Variants in ATP6V1C2 observed in about 807,000 individuals in gnomAD.
The protein encoded by ATP6V1C2 is V-type proton ATPase subunit C 2.
A neutral mutation model predicts 56.8 loss-of-function variants in ATP6V1C2; 45 were observed. The observed-to-expected ratio is 0.79, with a 90% CI of 0.62 to 1.02. ATP6V1C2 has a LOEUF of 1.02. Among genes scored for constraint, ATP6V1C2 ranks in the 50% least tolerant of loss-of-function variants. The pLI, the probability that ATP6V1C2 is intolerant of heterozygous loss-of-function variation, is 0.00. For synonymous variants in ATP6V1C2, 220 were observed against 201.3 expected (o/e 1.09, Z -0.79); for missense variants, 463 against 519.7 (o/e 0.89, Z 1.06).
At chr2:10,762,167 A>ATT (rs1663951491) in intron 4 of ATP6V1C2, among the ~76,000 whole-genome samples, 3 of 132,666 alleles carry the variant, frequency 2.3e-5, no homozygotes, top group African/African-American at 9.7e-5. Flanking sequence ...TTTTTTTGAG[A>ATT]TGGAGTCTCC....
chr2:10,739,386 G>A (rs10929695), intron 3 of ATP6V1C2, among the ~76,000 whole-genome samples: 151,810 of 152,274 alleles, frequency 1, 75,676 homozygotes, highest in Middle Eastern at 1. Context: ...TCTTACTTGC[G>A]ACCCTCACTT....
At chr2:10,755,071 G>A (rs867183931) in intron 4 of ATP6V1C2, among the ~76,000 whole-genome samples, 74 of 151,930 alleles carry the variant, frequency 4.9e-4, no homozygotes, top group African/African-American at 1.7e-3. Flanking sequence ...AGGCTGGAGT[G>A]CAATGGCACA....
chr2:10,731,224 C>A (rs1322230077), intron 3 of ATP6V1C2, among the ~76,000 whole-genome samples: 1 of 152,220 alleles, frequency 6.6e-6, no homozygotes, highest in Non-Finnish European at 1.5e-5. Context: ...GCTGGAATTA[C>A]AAGCATGAGT....
At chr2:10,754,992 C>T (rs1663460043) in intron 4 of ATP6V1C2, among the ~76,000 whole-genome samples, 1 of 152,064 alleles carries the variant, frequency 6.6e-6, no homozygotes, top group African/African-American at 2.4e-5. Flanking sequence ...CTCAGCCTCT[C>T]GCTCACCAAC....
At position 10,777,742 on chromosome 2, in the gene ATP6V1C2, C is replaced by G. The variant is rs764965300; in HGVS notation, c.963+20C>G. The stretch of plus-strand genomic sequence containing the variant: ...GGTGAGGTAAGCAACGCCCCGGGAA[C>G]CCCGGGGTCCCTGGCTCACATCTCC... On this transcript the variant is annotated intron_variant, in intron 11 of 13. Coordinates refer to ENST00000272238, the MANE Select transcript of ATP6V1C2 (RefSeq NM_001039362.2). 2 of 1,592,604 alleles carry G rather than the reference C, an allele frequency of 1.3e-6. No individual in the cohort carries two copies. Among genetic ancestry groups the G allele is most frequent in the African/African-American group, 2.7e-5 (2 of 73,768 alleles).
In ATP6V1C2 at chr2:10,739,151, C is replaced by T. The variant is rs111399342; in HGVS notation, c.197+12582C>T. Among the ~76,000 whole-genome samples the T allele has an allele frequency of 4.1e-3, 629 of 152,170 alleles. 10 individuals are homozygous for T. Among genetic ancestry groups the T allele is most frequent in the African/African-American group, 0.014 (594 of 41,500 alleles). ...AGAAAAAATTAGCTGGGCATTGTGG[C>T]GCATGCCTGCAATCCCAGCTACTCG... On this transcript the variant is annotated intron_variant, in intron 3 of 13. Coordinates refer to ENST00000272238, the MANE Select transcript of ATP6V1C2 (RefSeq NM_001039362.2).
At chr2:10,751,189 G>A (rs1409138449) in intron 3 of ATP6V1C2, among the ~76,000 whole-genome samples, 1 of 152,086 alleles carries the variant, frequency 6.6e-6, no homozygotes, top group Non-Finnish European at 1.5e-5. Flanking sequence ...GGCTGGCAGG[G>A]ACAAGAGGAT....
intron 3 of ATP6V1C2, among the ~76,000 whole-genome samples, chr2:10,745,275 T>C (rs2148443617): frequency 6.6e-6 from 1 of 151,728 alleles, no homozygotes; most frequent in East Asian, 1.9e-4. Context: ...TGACCTCAGG[T>C]GATCCACCCA....
intron 4 of ATP6V1C2, among the ~76,000 whole-genome samples, chr2:10,758,207 C>T (rs1007952762): frequency 1.3e-5 from 2 of 152,172 alleles, no homozygotes; most frequent in Admixed American, 1.3e-4. Context: ...TACTTTTCTA[C>T]ATAAACAACA....
chr2:10,779,447 GTATA>G (rs112760326), intron 12 of ATP6V1C2, among the ~76,000 whole-genome samples: 10 of 140,494 alleles, frequency 7.1e-5, no homozygotes, highest in Non-Finnish European at 1.1e-4. Context: ...ATATATGTAT[GTATA>G]TATATATATA....
At chr2:10,753,555 G>A (rs918835921) in intron 3 of ATP6V1C2, among the ~76,000 whole-genome samples, 6 of 147,892 alleles carry the variant, frequency 4.1e-5, no homozygotes, top group Non-Finnish European at 7.4e-5. Flanking sequence ...TTTTTGAGAC[G>A]GGGTCTTACA....
At chr2:10,746,020 C>T (rs1022903323) in intron 3 of ATP6V1C2, among the ~76,000 whole-genome samples, 2 of 152,148 alleles carry the variant, frequency 1.3e-5, no homozygotes, top group Admixed American at 6.5e-5. Flanking sequence ...TTGATGGATG[C>T]TTGGGTCGCT....
intron 3 of ATP6V1C2, among the ~76,000 whole-genome samples, chr2:10,741,412 T>C (rs995329215): frequency 7.8e-6 from 1 of 127,804 alleles, no homozygotes; most frequent in African/African-American, 3.0e-5. Context: ...CAGGGGCTCC[T>C]GAGTCACCAG....
At chr2:10,778,726 G>GAGCTATCGGGGCACCCC (rs1665158575) in intron 12 of ATP6V1C2, 57 bp downstream of exon 12, 2 of 1,548,960 alleles carry the variant, frequency 1.3e-6, no homozygotes, top group Non-Finnish European at 1.8e-6. Context: ...GGGTCTGGGG[G>GAGCTATCGGGGCACCCC]AGCTATCGGG....
At chr2:10,769,195 G>T (rs747068786) in intron 6 of ATP6V1C2, among the ~76,000 whole-genome samples, 2 of 152,248 alleles carry the variant, frequency 1.3e-5, no homozygotes, top group African/African-American at 2.4e-5. Flanking sequence ...GCGCAGCAGG[G>T]TGGTGGGCTC....
chr2:10,741,118 C>T (rs1662528970), intron 3 of ATP6V1C2, among the ~76,000 whole-genome samples: 1 of 152,218 alleles, frequency 6.6e-6, no homozygotes, highest in South Asian at 2.1e-4. Context: ...CTCTACACAA[C>T]TGTATGCAGA....
intron 3 of ATP6V1C2, among the ~76,000 whole-genome samples, chr2:10,744,401 G>A (rs1425023254): frequency 6.6e-6 from 1 of 152,154 alleles, no homozygotes; most frequent in East Asian, 1.9e-4. Flanking sequence ...ACTAATTGGT[G>A]TAAAAGATAT....
chr2:10,727,995 C>T (rs1661742380), intron 3 of ATP6V1C2, among the ~76,000 whole-genome samples: 1 of 152,192 alleles, frequency 6.6e-6, no homozygotes, highest in Admixed American at 6.5e-5. Context: ...TTTCCTATAA[C>T]TTTCTAGGTA....
At chr2:10,749,166 A>G (rs55819137) in intron 3 of ATP6V1C2, among the ~76,000 whole-genome samples, 4,643 of 151,132 alleles carry the variant, frequency 0.031, 247 homozygotes, top group African/African-American at 0.11. Flanking sequence ...GAGTCTTCAA[A>G]ACACCTAAAA....
Sources: gnomAD v4.1 joint callset for allele counts (sites outside exome capture counted in the v4.1 genomes callset) on GRCh38, gnomAD v4.1.1 for gene constraint, MANE v1.5 for transcripts, NCBI Gene and HGNC (gene_info 2026-07-23, HGNC 2026-07-21) for gene names.